Variants in MSR1 observed in about 807,000 individuals in gnomAD.
The protein encoded by MSR1 is macrophage scavenger receptor types I and II.
A neutral mutation model predicts 47.2 loss-of-function variants in MSR1; 53 were observed. That is an observed-to-expected ratio of 1.12 (90% CI 0.90 to 1.41). MSR1 has a LOEUF of 1.41. Ranked by LOEUF, MSR1 falls within the 40% of genes most tolerant of loss-of-function variation. MSR1 has a pLI of 0.00. For synonymous variants in MSR1, 239 were observed against 185.6 expected, an observed-to-expected ratio of 1.29 and a Z score of -2.34; for missense variants, 786 against 546.9, an observed-to-expected ratio of 1.44 and a Z score of -4.36.
intron 8 of MSR1, among the ~76,000 whole-genome samples, chr8:16,133,182 T>C (rs6988947): frequency 0.26 from 40,040 of 152,082 alleles, 5,529 homozygotes; most frequent in African/African-American, 0.28. Flanking sequence ...CTTCTCAACA[T>C]AAGCTCCATC....
At chr8:16,178,115 T>TA (rs1563168468) in intron 1 of MSR1, 123 bp from the exon 2 acceptor site, 5 of 717,338 alleles carry the variant, frequency 7.0e-6, no homozygotes, top group African/African-American at 5.4e-5. Context: ...TTTTTTTTTT[T>TA]AATTATACTT....
rs761676407 is a variant in MSR1, at chr8:16,155,076, G to A, written c.886C>T (p.Pro296Ser). Residue 296 changes from proline (P) to serine (S), a missense_variant, in exon 6 of 10, where the codon CCA becomes TCA. Pro to Ser is a moderately conservative substitution (Grantham distance 74). Coordinates refer to ENST00000262101, the MANE Select transcript of MSR1 (RefSeq NM_138715.3). Reference protein sequence around the residue: ...PTGESGPRGFPGPIGPPGLKG... With the variant: ...PTGESGPRGFSGPIGPPGLKG... ...AAAATTACCATACCTATTGGACCTG[G>A]AAATCCTCGTGGACCACTTTCTCCA... is the stretch of plus-strand genomic sequence containing the variant. The A allele has an allele frequency of 1.9e-6, 3 of 1,611,682 alleles. No homozygotes were observed. The highest frequency in any genetic ancestry group is 1.7e-4 in the Middle Eastern group (1 of 6,050).
intron 6 of MSR1, among the ~76,000 whole-genome samples, chr8:16,152,137 T>C (rs1195965819): frequency 6.6e-6 from 1 of 152,122 alleles, no homozygotes; most frequent in Non-Finnish European, 1.5e-5. Context: ...TACCAGCCTG[T>C]TGTAAAGGCT....
At chr8:16,172,856 T>C (rs748235853) in intron 3 of MSR1, among the ~76,000 whole-genome samples, 1 of 152,142 alleles carries the variant, frequency 6.6e-6, no homozygotes, top group Admixed American at 6.5e-5. Context: ...TATATAATAT[T>C]CTATTTCACC....
At chr8:16,153,322 A>G (rs746334734) in intron 6 of MSR1, among the ~76,000 whole-genome samples, 2 of 152,066 alleles carry the variant, frequency 1.3e-5, no homozygotes, top group Non-Finnish European at 2.9e-5. Context: ...GCAGCAAGAC[A>G]TCCAGAAATA....
intron 6 of MSR1, among the ~76,000 whole-genome samples, chr8:16,153,343 A>C (rs1800912563): frequency 6.6e-6 from 1 of 152,070 alleles, no homozygotes; most frequent in East Asian, 1.9e-4. Flanking sequence ...ATTCATTAGG[A>C]AAGATGCCTG....
At chr8:16,175,095 C>A in intron 3 of MSR1, 92 bp downstream of exon 3, 1 of 975,922 alleles carries the variant, frequency 1.0e-6, no homozygotes. Context: ...ATGAATGTAC[C>A]ATATACAAAA....
At chr8:16,169,271 A>C (rs917554151) in intron 3 of MSR1, among the ~76,000 whole-genome samples, 1 of 152,202 alleles carries the variant, frequency 6.6e-6, no homozygotes, top group Admixed American at 6.5e-5. Flanking sequence ...AGCATGTTGA[A>C]TATGTTAACA....
At chr8:16,160,271 G>A (rs561316918) in intron 5 of MSR1, among the ~76,000 whole-genome samples, 1 of 151,970 alleles carries the variant, frequency 6.6e-6, no homozygotes, top group Non-Finnish European at 1.5e-5. Flanking sequence ...AAGGAACAGA[G>A]AATACAGAAT....
chr8:16,124,722 C>A (rs968019512), intron 8 of MSR1, among the ~76,000 whole-genome samples: 23 of 152,070 alleles, frequency 1.5e-4, no homozygotes, highest in Admixed American at 1.3e-4. Context: ...TTGTTTTCCC[C>A]AGTAGACTGA....
At chr8:16,148,470 T>G (rs1800758865) in intron 7 of MSR1, among the ~76,000 whole-genome samples, 1 of 115,756 alleles carries the variant, frequency 8.6e-6, no homozygotes, top group Non-Finnish European at 1.8e-5. Context: ...CTAAAACTTT[T>G]TTTTTTGAGT....
intron 4 of MSR1, 143 bp from the exon 5 acceptor site, chr8:16,164,394 G>C: frequency 3.0e-6 from 2 of 668,256 alleles, no homozygotes; most frequent in Non-Finnish European, 5.1e-6. Flanking sequence ...TTAGAAAACT[G>C]TTTTGAAAGT....
Position 16,184,473 on chromosome 8 carries a change from T to C in MSR1, c.-4-6481A>G, listed in dbSNP as rs1801935722. 2.6e-5 allele frequency among the ~76,000 whole-genome samples: 4 copies of C among 152,284 alleles called. No homozygotes were observed. The South Asian group carries it at 6.2e-4, about 24-fold the overall frequency. ...AGTTAGGTTGGTAGTACACTATTTA[T>C]GCTTTTTCTCTAAACAGGTACAAAG... is the stretch of plus-strand genomic sequence containing the variant. On this transcript the variant is annotated intron_variant, in intron 1 of 9. Transcript: ENST00000262101.
At chr8:16,126,618 C>A (rs1800134769) in intron 8 of MSR1, among the ~76,000 whole-genome samples, 1 of 152,102 alleles carries the variant, frequency 6.6e-6, no homozygotes, top group South Asian at 2.1e-4. Flanking sequence ...CCTGAAGAAA[C>A]TGAGTTAAAT....
chr8:16,142,703 C>T (rs1800592969), intron 8 of MSR1, among the ~76,000 whole-genome samples: 1 of 152,092 alleles, frequency 6.6e-6, no homozygotes. Context: ...GATTTTGGTA[C>T]ATAAAAGGAT....
chr8:16,129,893 C>T (rs1196409262), intron 8 of MSR1, among the ~76,000 whole-genome samples: 6 of 152,122 alleles, frequency 3.9e-5, no homozygotes, highest in Non-Finnish European at 5.9e-5. Context: ...GAGTATCAGG[C>T]TAAATTTCTT....
chr8:16,187,491 A>T (rs926357584), intron 1 of MSR1, among the ~76,000 whole-genome samples: 2 of 150,454 alleles, frequency 1.3e-5, no homozygotes, highest in African/African-American at 4.9e-5. Flanking sequence ...CCCTGGCTTC[A>T]TTTTCTTTCC....
At chr8:16,135,096 G>C (rs745450909) in intron 8 of MSR1, among the ~76,000 whole-genome samples, 2 of 152,104 alleles carry the variant, frequency 1.3e-5, no homozygotes, top group Non-Finnish European at 2.9e-5. Context: ...AAATTGTCCA[G>C]AAGATCTAGT....
intron 8 of MSR1, among the ~76,000 whole-genome samples, chr8:16,131,441 G>GTTTT (rs56321577): frequency 0.013 from 724 of 54,642 alleles, 3 homozygotes; most frequent in African/African-American, 0.023. Flanking sequence ...TCTGTTGATA[G>GTTTT]TTTTTTTTTT....
Sources: gnomAD v4.1 joint callset for allele counts (sites outside exome capture counted in the v4.1 genomes callset) on GRCh38, gnomAD v4.1.1 for gene constraint, MANE v1.5 for transcripts, NCBI Gene and HGNC (gene_info 2026-07-23, HGNC 2026-07-21) for gene names.